The following DPYD variants were observed in gnomAD, a reference collection of about 807,000 sequenced individuals.
DPYD encodes dihydropyrimidine dehydrogenase [NADP(+)].
A neutral mutation model predicts 116.2 loss-of-function variants in DPYD; 109 were observed. The observed-to-expected ratio is 0.94, with a 90% CI of 0.80 to 1.10. The LOEUF (loss-of-function observed/expected upper bound fraction) is 1.10, where lower values mean the gene tolerates loss of function less well. Among genes scored for constraint, DPYD ranks in the 50% least tolerant of loss-of-function variants. The pLI is 0.00. For synonymous variants in DPYD, 440 were observed against 432.0 expected (o/e 1.02, Z -0.23); for missense variants, 1,302 against 1,254.5 (o/e 1.04, Z -0.57).
At chr1:97,099,612 A>G (rs954009916) in intron 20 of DPYD, among the ~76,000 whole-genome samples, 1 of 152,110 alleles carries the variant, frequency 6.6e-6, no homozygotes, top group Non-Finnish European at 1.5e-5. Flanking sequence ...GGTCTCTTTC[A>G]TAAGACTGCA....
chr1:97,224,361 G>A (rs1373164530), intron 19 of DPYD, among the ~76,000 whole-genome samples: 1 of 152,000 alleles, frequency 6.6e-6, no homozygotes, highest in South Asian at 2.1e-4. Flanking sequence ...TTATATTCAG[G>A]ATTCATTGAA....
intron 3 of DPYD, among the ~76,000 whole-genome samples, chr1:97,814,817 T>C (rs1379900223): frequency 6.6e-5 from 10 of 150,382 alleles, no homozygotes; most frequent in Admixed American, 6.6e-4. Context: ...GGCATGAGAA[T>C]TGCTTGAATC....
chr1:97,311,528 T>A (rs1411027323), intron 16 of DPYD, among the ~76,000 whole-genome samples: 1 of 151,694 alleles, frequency 6.6e-6, no homozygotes, highest in Admixed American at 6.6e-5. Context: ...GGAAAGTCAA[T>A]ACACCCTGGG....
chr1:97,638,798 T>C (rs1232034742), intron 8 of DPYD, among the ~76,000 whole-genome samples: 1 of 151,972 alleles, frequency 6.6e-6, no homozygotes, highest in Admixed American at 6.6e-5. Context: ...CCAGGTCTCA[T>C]GTGAACTTAC....
intron 20 of DPYD, among the ~76,000 whole-genome samples, chr1:97,168,869 CAG>C (rs1224100086): frequency 6.9e-6 from 1 of 144,296 alleles, no homozygotes; most frequent in African/African-American, 2.6e-5. Context: ...TTTTTTGAGA[CAG>C]AGTCTCACTC....
chr1:97,840,866 C>A (rs1670003935), intron 2 of DPYD, among the ~76,000 whole-genome samples: 1 of 151,978 alleles, frequency 6.6e-6, no homozygotes, highest in African/African-American at 2.4e-5. Flanking sequence ...ACGAAGTTTC[C>A]AAAATTATAA....
intron 4 of DPYD, among the ~76,000 whole-genome samples, chr1:97,723,047 T>C (rs1204304613): frequency 6.6e-6 from 1 of 151,594 alleles, no homozygotes; most frequent in Non-Finnish European, 1.5e-5. Context: ...AAACAATTAA[T>C]AATAGCACCA....
intron 13 of DPYD, among the ~76,000 whole-genome samples, chr1:97,484,170 C>T (rs562854927): frequency 6.6e-5 from 10 of 152,022 alleles, no homozygotes; most frequent in Admixed American, 1.3e-4. Flanking sequence ...CTGGGTGTGG[C>T]GGCTTGTGCC....
At chr1:97,625,881 C>A (rs1656898598) in intron 8 of DPYD, among the ~76,000 whole-genome samples, 1 of 152,154 alleles carries the variant, frequency 6.6e-6, no homozygotes, top group Non-Finnish European at 1.5e-5. Flanking sequence ...TTTTTTGAAG[C>A]TTTGCAACCT....
intron 16 of DPYD, among the ~76,000 whole-genome samples, chr1:97,371,594 CAG>C (rs1671313851): frequency 6.6e-6 from 1 of 152,184 alleles, no homozygotes. Context: ...TTCAGAAAGT[CAG>C]AGTCACAGAA....
At chr1:97,248,773 A>G (rs1662891015) in intron 18 of DPYD, among the ~76,000 whole-genome samples, 1 of 152,168 alleles carries the variant, frequency 6.6e-6, no homozygotes, top group African/African-American at 2.4e-5. Context: ...TTCTTTCTCT[A>G]TATACTCTTC....
chr1:97,515,572 A>T (rs1648155583), intron 13 of DPYD, among the ~76,000 whole-genome samples, 154 bp downstream of exon 13: 1 of 150,486 alleles, frequency 6.6e-6, no homozygotes, highest in African/African-American at 2.4e-5. Context: ...GACAGAAAGG[A>T]AGGAAAGAAA....
chr1:97,103,175 A>C (rs1003517000), intron 20 of DPYD, among the ~76,000 whole-genome samples: 3 of 152,124 alleles, frequency 2.0e-5, no homozygotes, highest in Non-Finnish European at 2.9e-5. Flanking sequence ...CAGGAGATAG[A>C]GATGAGAAGT....
intron 8 of DPYD, among the ~76,000 whole-genome samples, chr1:97,632,897 T>C (rs984988140): frequency 1.3e-5 from 2 of 152,102 alleles, no homozygotes; most frequent in African/African-American, 4.8e-5. Context: ...TGCTGGTCAA[T>C]CTTAGATTGG....
intron 16 of DPYD, among the ~76,000 whole-genome samples, chr1:97,358,519 C>T (rs990231137): frequency 1.2e-4 from 18 of 152,258 alleles, no homozygotes; most frequent in Admixed American, 6.5e-4. Flanking sequence ...CCCTGATGCC[C>T]GTGTAGCCTA....
chr1:97,400,434 A>G (rs979908795), intron 14 of DPYD, among the ~76,000 whole-genome samples: 2 of 151,958 alleles, frequency 1.3e-5, no homozygotes, highest in Admixed American at 6.6e-5. Flanking sequence ...TCTCTGCCAG[A>G]CTTTGGTATC....
chr1:97,132,106 A>T (rs1324990684), intron 20 of DPYD, among the ~76,000 whole-genome samples: 1 of 152,182 alleles, frequency 6.6e-6, no homozygotes, highest in Non-Finnish European at 1.5e-5. Context: ...AAAACAAACC[A>T]CAAACATATT....
intron 5 of DPYD, among the ~76,000 whole-genome samples, chr1:97,702,626 A>G (rs1352253596): frequency 6.6e-6 from 1 of 151,916 alleles, no homozygotes; most frequent in Non-Finnish European, 1.5e-5. Flanking sequence ...TCATTATAAT[A>G]TGAAGTTACA....
chr1:97,796,347 G>GGAGAAA (rs1357620664), intron 3 of DPYD, among the ~76,000 whole-genome samples: 51 of 152,148 alleles, frequency 3.4e-4, no homozygotes, highest in Middle Eastern at 3.4e-3. Flanking sequence ...ACATTAAACT[G>GGAGAAA]ATCCTTCTAT....
Sources: gnomAD v4.1 joint callset for allele counts (sites outside exome capture counted in the v4.1 genomes callset) on GRCh38, gnomAD v4.1.1 for gene constraint, MANE v1.5 for transcripts, NCBI Gene and HGNC (gene_info 2026-07-23, HGNC 2026-07-21) for gene names.